Variants in SLC30A8 observed in about 807,000 individuals in gnomAD.
SLC30A8 encodes solute carrier family 30 member 8, also known as proton-coupled zinc antiporter SLC30A8.
SLC30A8 carries 27 observed loss-of-function variants against 36.9 expected under a neutral mutation model. That is an observed-to-expected ratio of 0.73 (90% CI 0.54 to 1.01). The LOEUF is 1.01. Among genes scored for constraint, SLC30A8 ranks in the 50% least tolerant of loss-of-function variants. The pLI, the probability that SLC30A8 is intolerant of heterozygous loss-of-function variation, is 0.00. For missense variants in SLC30A8, 439 were observed against 452.0 expected (o/e 0.97, Z 0.26); for synonymous variants, 164 against 172.4 (o/e 0.95, Z 0.38).
upstream of SLC30A8, among the ~76,000 whole-genome samples, chr8:117,130,509 C>T (rs1029643710): frequency 1.3e-5 from 2 of 151,798 alleles, no homozygotes; most frequent in Admixed American, 1.3e-4. Context: ...CAGATAATGA[C>T]AAGAGGGCTC....
At chr8:117,003,952 G>T (rs575552476) in intron 1 of SLC30A8, among the ~76,000 whole-genome samples, 1 of 152,082 alleles carries the variant, frequency 6.6e-6, no homozygotes, top group Non-Finnish European at 1.5e-5. Context: ...CCAGAATATT[G>T]AATGTAAAAA....
chr8:117,163,319 G>A (rs2129683407), intron 5 of SLC30A8, 106 bp from the exon 6 acceptor site: 2 of 837,022 alleles, frequency 2.4e-6, no homozygotes, highest in East Asian at 2.6e-5. Context: ...GGGTAAATGA[G>A]TGACAGAGAA....
chr8:117,148,160 A>G (rs1563626768), intron 2 of SLC30A8, among the ~76,000 whole-genome samples: 4 of 151,634 alleles, frequency 2.6e-5, no homozygotes, highest in African/African-American at 7.3e-5. Flanking sequence ...TTCTTTTACT[A>G]CTCTCACTAT....
At chr8:117,101,303 A>G (rs1586516531) in intron 2 of SLC30A8, among the ~76,000 whole-genome samples, 1 of 152,128 alleles carries the variant, frequency 6.6e-6, no homozygotes, top group Non-Finnish European at 1.5e-5. Flanking sequence ...AAGGGATTCA[A>G]TGGATAAATA....
chr8:117,129,102 A>AGAT (rs1172704848), intron 2 of SLC30A8, among the ~76,000 whole-genome samples: 1 of 152,044 alleles, frequency 6.6e-6, no homozygotes, highest in Non-Finnish European at 1.5e-5. Context: ...GGTGGCAATT[A>AGAT]GATAATCACA....
intron 1 of SLC30A8, among the ~76,000 whole-genome samples, chr8:116,973,487 T>C (rs984998365): frequency 2.0e-4 from 30 of 152,270 alleles, no homozygotes; most frequent in African/African-American, 7.0e-4. Flanking sequence ...ACAAGGGATG[T>C]GAAGGACCTC....
At chr8:116,994,153 T>G (rs569443637) in intron 1 of SLC30A8, among the ~76,000 whole-genome samples, 61 of 152,176 alleles carry the variant, frequency 4.0e-4, no homozygotes, top group Middle Eastern at 3.4e-3. Flanking sequence ...CAGAAATGAT[T>G]CAAGGGAATA....
intron 4 of SLC30A8, among the ~76,000 whole-genome samples, chr8:117,160,439 G>GCA: frequency 6.7e-6 from 1 of 148,810 alleles, no homozygotes; most frequent in South Asian, 2.1e-4. Flanking sequence ...GTGTGTGCGC[G>GCA]CACATGTGCG....
At chr8:117,082,347 C>A (rs1422626587) in intron 2 of SLC30A8, among the ~76,000 whole-genome samples, 3 of 151,938 alleles carry the variant, frequency 2.0e-5, no homozygotes, top group Non-Finnish European at 4.4e-5. Flanking sequence ...CAAGAAAGAA[C>A]CAAATGATTA....
intron 2 of SLC30A8, among the ~76,000 whole-genome samples, chr8:117,094,588 A>G (rs1235911271): frequency 6.6e-6 from 1 of 152,144 alleles, no homozygotes; most frequent in African/African-American, 2.4e-5. Context: ...TCAGAGGGGA[A>G]TAAGTGTGTG....
At chr8:117,163,587 C>A in intron 6 of SLC30A8, 57 bp downstream of exon 6, 4 of 1,300,486 alleles carry the variant, frequency 3.1e-6, no homozygotes, top group African/African-American at 1.5e-5. Flanking sequence ...CCTAGAATCA[C>A]AAAAGGGAAT....
chr8:117,053,135 G>C (rs542550916), intron 2 of SLC30A8, among the ~76,000 whole-genome samples: 2 of 152,158 alleles, frequency 1.3e-5, no homozygotes, highest in South Asian at 2.1e-4. Flanking sequence ...GGATGGTCTC[G>C]ATCTCCTGGC....
At position 116,982,742 on chromosome 8, in the gene SLC30A8, A is replaced by G. The variant is rs192965851; in HGVS notation, c.-266+31623A>G. On this transcript the variant is annotated intron_variant, in intron 1 of 10. Transcript: ENST00000427715. ...ACAAATAATCTCTCACACGTGAAACATTATCACCTCAGGGGAAATTCCTTT... is the reference window on the plus strand; with the variant it reads ...ACAAATAATCTCTCACACGTGAAACGTTATCACCTCAGGGGAAATTCCTTT... 1.8e-3 allele frequency among the ~76,000 whole-genome samples: 281 copies of G among 152,240 alleles called. 2 individuals are homozygous for G. The highest frequency in any genetic ancestry group is 3.3e-3 in the Non-Finnish European group (223 of 68,016).
At chr8:116,950,230 ACGCCGAGGCCGAGGAGG>A (rs1270460583), upstream of SLC30A8, 1 of 161,272 alleles carries the variant, frequency 6.2e-6, no homozygotes, top group African/African-American at 2.4e-5. Context: ...CCCAGAGCGG[ACGCCGAGGCCGAGGAGG>A]CGCTGAGAGC....
rs566795268 is a variant in SLC30A8, at chr8:117,174,127, T to C, written c.*1446T>C. 4 of 152,236 alleles carry C rather than the reference T, an allele frequency of 2.6e-5. No individual in the cohort carries two copies. Among genetic ancestry groups the C allele is most frequent in the African/African-American group, 9.6e-5 (4 of 41,558 alleles). 9.4% of individuals were successfully genotyped at this position (152,236 alleles called of 1,614,324 possible). ...CTGTGATTTTTAAAACTACATACTT[T>C]TTGCAACTTTATGGTTATGAGTATT... is the stretch of plus-strand genomic sequence containing the variant. On this transcript the variant is annotated 3_prime_UTR_variant, in exon 8 of 8. Transcript: ENST00000456015.
At chr8:117,009,117 C>T (rs960577727) in intron 1 of SLC30A8, among the ~76,000 whole-genome samples, 1 of 152,202 alleles carries the variant, frequency 6.6e-6, no homozygotes, top group Non-Finnish European at 1.5e-5. Context: ...AAATCCCCTG[C>T]TTAGAAAGTT....
At chr8:117,140,370 GA>G (rs1821594450) in intron 1 of SLC30A8, among the ~76,000 whole-genome samples, 1 of 151,896 alleles carries the variant, frequency 6.6e-6, no homozygotes, top group South Asian at 2.1e-4. Context: ...GAAGTTTGTT[GA>G]ATATTAATCT....
intron 5 of SLC30A8, among the ~76,000 whole-genome samples, chr8:117,162,273 AT>A (rs1046341783): frequency 6.6e-6 from 1 of 151,628 alleles, no homozygotes; most frequent in Non-Finnish European, 1.5e-5. Context: ...GTCTCAACAA[AT>A]TTTTTTTTCT....
chr8:116,996,491 G>A (rs1815824225), intron 1 of SLC30A8, among the ~76,000 whole-genome samples: 1 of 151,868 alleles, frequency 6.6e-6, no homozygotes, highest in Non-Finnish European at 1.5e-5. Context: ...TTATTTTTTT[G>A]TGGTGAGGGT....
Sources: allele counts gnomAD v4.1 joint callset (sites outside exome capture counted in the v4.1 genomes callset), GRCh38; gene constraint gnomAD v4.1.1; transcripts MANE v1.5; gene names NCBI Gene and HGNC (gene_info 2026-07-23, HGNC 2026-07-21).